CDHR3: variants seen among roughly 807,000 people sequenced by gnomAD.
CDHR3 encodes cadherin-related family member 3.
Under a neutral mutation model 86.6 loss-of-function variants are expected in CDHR3, and 79 were observed. The ratio of observed to expected loss-of-function variants is 0.91; its 90% CI spans 0.76 to 1.10. CDHR3 has a LOEUF of 1.10. Among genes scored for constraint, CDHR3 ranks in the 50% least tolerant of loss-of-function variants. CDHR3 has a pLI of 0.00. For synonymous variants in CDHR3, 421 were observed against 402.4 expected (o/e 1.05, Z -0.55); for missense variants, 1,081 against 1,077.6 (o/e 1.00, Z -0.04).
chr7:106,007,030 G>A lies in CDHR3; in HGVS notation c.1052+2343G>A, dbSNP rs576519966. Among the ~76,000 whole-genome samples, 402 of 152,342 alleles carry A rather than the reference G, an allele frequency of 2.6e-3. 1 individual carries two copies. Among genetic ancestry groups the A allele is most frequent in the Non-Finnish European group, 4.1e-3 (282 of 68,042 alleles). On this transcript the variant is annotated intron_variant, in intron 8 of 18. Transcript: ENST00000317716. Reference sequence around the variant, plus strand: ...CTCAATTCTTGACTTCTGTGCAGCCGCAGGCTCAACACCACATGAAAGCTG... The same window carrying A: ...CTCAATTCTTGACTTCTGTGCAGCCACAGGCTCAACACCACATGAAAGCTG...
rs1269774023 is a variant in CDHR3 at position 106,017,969 on chromosome 7, A to T, written c.1550A>T (p.Lys517Met). 1 of 1,613,912 alleles carries T rather than the reference A, an allele frequency of 6.2e-7. No homozygotes were observed. The highest frequency in any genetic ancestry group is 8.5e-7 in the Non-Finnish European group (1 of 1,179,866). The change falls in exon 12 of 19, where the codon AAG (lysine) becomes ATG (methionine). Residue 517 changes from lysine to methionine, a missense_variant. Transcript: ENST00000317716. ...CCAAATGTATTTTGGATTAATCCCA[A>T]GACAGGAGAACTCCAGCTGGTAACT... ...QYPNVFWINPKTGELQLVTKV... is the reference protein window; with the variant it reads ...QYPNVFWINPMTGELQLVTKV...
chr7:106,026,381 G>A (rs1837346355), intron 15 of CDHR3, among the ~76,000 whole-genome samples: 1 of 152,304 alleles, frequency 6.6e-6, no homozygotes, highest in Non-Finnish European at 1.5e-5. Context: ...ACTAGGGCAG[G>A]CATGTCCTCA....
chr7:105,964,588 G>A lies in CDHR3; in HGVS notation c.46+1224G>A, dbSNP rs561892176. The stretch of plus-strand genomic sequence containing the variant: ...GAGAGAGAAATGTTTTATATGTTAA[G>A]GAGGTGGCTTTTATTCTTATTAATA... On this transcript the variant is annotated intron_variant, in intron 1 of 18. Coordinates refer to ENST00000317716, the MANE Select transcript of CDHR3 (RefSeq NM_152750.5). 4.5e-4 allele frequency among the ~76,000 whole-genome samples: 69 copies of A among 151,876 alleles called. 1 individual carries two copies. In the South Asian group the frequency reaches 0.014, roughly 30 times the overall value.
chr7:105,995,592 C>T (rs562644401), intron 5 of CDHR3, among the ~76,000 whole-genome samples: 9 of 152,088 alleles, frequency 5.9e-5, no homozygotes, highest in African/African-American at 2.2e-4. Context: ...GCCCTTGAGT[C>T]CACTGGCGAA....
chr7:105,972,110 G>A (rs921662938), intron 1 of CDHR3, among the ~76,000 whole-genome samples: 1 of 152,132 alleles, frequency 6.6e-6, no homozygotes. Flanking sequence ...TATAATCTCA[G>A]ATGTGTGCAA....
intron 2 of CDHR3, among the ~76,000 whole-genome samples, chr7:105,979,558 A>G (rs1298373821): frequency 6.6e-6 from 1 of 152,184 alleles, no homozygotes; most frequent in East Asian, 1.9e-4. Context: ...CAGTTTCCAT[A>G]GTAGCTTGAC....
In CDHR3 at chr7:105,963,371, A is replaced by G. The variant is rs767645190; in HGVS notation, c.46+7A>G. On this transcript the variant is annotated splice_region_variant and intron_variant, in intron 1 of 18. Coordinates refer to ENST00000317716, the MANE Select transcript of CDHR3 (RefSeq NM_152750.5). Reference sequence around the variant, plus strand: ...CTCCTGGGTGCCATGTCAGGTAGGAACTCAATTTTGCTTTGGAACCTTGCT... The same window carrying G: ...CTCCTGGGTGCCATGTCAGGTAGGAGCTCAATTTTGCTTTGGAACCTTGCT... 11 of 1,613,656 alleles carry G rather than the reference A, an allele frequency of 6.8e-6. No homozygotes were observed. Among genetic ancestry groups the G allele is most frequent in the Middle Eastern group, 1.6e-4 (1 of 6,084 alleles).
intron 6 of CDHR3, among the ~76,000 whole-genome samples, chr7:105,999,455 C>G (rs1226911262): frequency 2.0e-5 from 3 of 152,114 alleles, no homozygotes; most frequent in East Asian, 1.9e-4. Context: ...AGCCAGGTAC[C>G]CCATTGTAGA....
chr7:105,968,262 T>C (rs1024509018), intron 1 of CDHR3, among the ~76,000 whole-genome samples: 2 of 152,232 alleles, frequency 1.3e-5, no homozygotes, highest in African/African-American at 4.8e-5. Context: ...TTGTGGAAAT[T>C]AAAGAAATAG....
At chr7:105,979,845 G>T (rs193796) in intron 2 of CDHR3, among the ~76,000 whole-genome samples, 21 of 152,064 alleles carry the variant, frequency 1.4e-4, no homozygotes, top group African/African-American at 4.6e-4. Flanking sequence ...AATGTCCCCA[G>T]GGGCTCCGGG....
chr7:106,004,540 C>T lies in CDHR3; in HGVS notation c.905C>T (p.Ala302Val), dbSNP rs763751840. The T allele has an allele frequency of 6.2e-7, 1 of 1,614,004 alleles. No homozygotes were observed. The highest frequency in any genetic ancestry group is 1.7e-5 in the Admixed American group (1 of 60,024). The part of the protein sequence containing the change: ...IQVAQRIDRD[A>V]GELRQNPTIS... The stretch of plus-strand genomic sequence containing the variant: ...GTGGCCCAAAGGATAGACCGAGATG[C>T]AGGTGAATTGAGACAAAATCCCACC... Residue 302 changes from alanine to valine, a missense_variant, in exon 8 of 19, where the codon GCA becomes GTA. Physicochemically the swap from Ala to Val is moderately conservative, Grantham distance 64. Transcript: ENST00000317716.
chr7:106,032,658 C>T lies in CDHR3; in HGVS notation c.2619C>T (p.Phe873=). ...LGNPKNRNPA[F]MNRAYPKPHP... ...ACCCAAAGAACAGAAATCCAGCCTT[C>T]ATGAACAGGGCTTACCCCAAACCAC... Residue 873 remains phenylalanine, a synonymous_variant, in exon 19 of 19, where the codon TTC becomes TTT. Transcript: ENST00000317716. The T allele has an allele frequency of 1.9e-6, 3 of 1,613,592 alleles. No homozygotes were observed. The highest frequency in any genetic ancestry group is 1.3e-5 in the African/African-American group (1 of 74,990).
intron 6 of CDHR3, among the ~76,000 whole-genome samples, chr7:105,999,868 G>T (rs1158893177): frequency 6.6e-6 from 1 of 152,242 alleles, no homozygotes; most frequent in African/African-American, 2.4e-5. Flanking sequence ...GAGCATGCTT[G>T]GAGCAGTAGC....
chr7:105,981,105 A>G lies in CDHR3; in HGVS notation c.387A>G (p.Pro129=). The G allele has an allele frequency of 6.2e-7, 1 of 1,613,648 alleles. No homozygotes were observed. Among genetic ancestry groups the G allele is most frequent in the Non-Finnish European group, 8.5e-7 (1 of 1,179,768 alleles). ...TCCAGGTAACAGATGTGAACGAGCC[A>G]CCTCAGTTTCAAGGCAACTTGGCAG... ...LTVQVTDVNE[P]PQFQGNLAEG... Residue 129 remains proline, a synonymous_variant, in exon 3 of 19, where the codon CCA becomes CCG. Transcript: ENST00000317716.
Position 106,020,496 on chromosome 7 carries a change from AC to A in CDHR3, c.1779del (p.Asp594ThrfsTer59), listed in dbSNP as rs747977623. ...TATTCAGAATTTCAAGCTGACATGT[AC>A]CGACCTTGATTCCAGCCCCAGATCT... ...TNIQNFKLTCTDLDSSPRSFR... is the reference protein window; with the variant it reads ...TNIQNFKLTCXDLDSSPRSFR... On this transcript the variant is annotated frameshift_variant, in exon 13 of 19. Transcript: ENST00000317716. LOFTEE classifies it high-confidence loss of function. 3.1e-6 allele frequency: 5 copies of A among 1,614,014 alleles called. No individual in the cohort carries two copies. The South Asian group carries it at 5.5e-5, about 18-fold the overall frequency.
chr7:105,995,310 T>C (rs769612493), intron 5 of CDHR3, among the ~76,000 whole-genome samples: 29 of 151,706 alleles, frequency 1.9e-4, no homozygotes, highest in Non-Finnish European at 3.8e-4. Flanking sequence ...AAACCATACA[T>C]AGTATACTTC....
At position 106,030,193 on chromosome 7, in the gene CDHR3, C is replaced by A. The variant is rs983844247; in HGVS notation, c.2305-599C>A. ...GGGGACAAGGGACAGGTGCATTAGG[C>A]AGAAGTCAGGTCCTGGAGGGTGGCA... On this transcript the variant is annotated intron_variant, in intron 17 of 18. Transcript: ENST00000317716. The surrounding 1 kb of genome is among the most constrained non-coding windows in gnomAD (Gnocchi z 4.8). Among the ~76,000 whole-genome samples the A allele has an allele frequency of 6.6e-6, 1 of 152,154 alleles. No individual in the cohort carries two copies. Among genetic ancestry groups the A allele is most frequent in the Non-Finnish European group, 1.5e-5 (1 of 68,026 alleles).
intron 6 of CDHR3, among the ~76,000 whole-genome samples, chr7:105,999,710 A>G (rs919419197): frequency 1.3e-5 from 2 of 152,174 alleles, no homozygotes; most frequent in African/African-American, 4.8e-5. Context: ...CACCTCTGGC[A>G]TCACCTTATA....
At chr7:105,965,565 C>CCCCCCCCG in intron 1 of CDHR3, among the ~76,000 whole-genome samples, 1 of 57,148 alleles carries the variant, frequency 1.7e-5, no homozygotes, top group African/African-American at 4.1e-5. Flanking sequence ...AACTCAAGCC[C>CCCCCCCCG]CACCCCCCCC....
Sources: gnomAD v4.1 joint callset for allele counts (sites outside exome capture counted in the v4.1 genomes callset) on GRCh38, gnomAD v4.1.1 for gene constraint, Gnocchi (gnomAD v3.1) non-coding constraint, MANE v1.5 for transcripts, NCBI Gene and HGNC (gene_info 2026-07-23, HGNC 2026-07-21) for gene names.